The following NRXN3 variants were observed in gnomAD, a reference collection of about 807,000 sequenced individuals.
NRXN3 encodes the protein neurexin III.
A neutral mutation model predicts 137.6 loss-of-function variants in NRXN3; 32 were observed. The observed-to-expected ratio is 0.23, with a 90% CI of 0.18 to 0.31. The LOEUF (loss-of-function observed/expected upper bound fraction) is 0.31, where lower values mean the gene tolerates loss of function less well. Ranked by LOEUF, NRXN3 falls within the 10% of genes least tolerant of loss-of-function variation. NRXN3 has a pLI of 1.00. For missense variants in NRXN3, 1,574 were observed against 2,062.5 expected (o/e 0.76, Z 4.59); for synonymous variants, 798 against 784.5 (o/e 1.02, Z -0.29).
chr14:78,688,473 T>G (rs143806801), intron 6 of NRXN3, among the ~76,000 whole-genome samples: 230 of 152,262 alleles, frequency 1.5e-3, no homozygotes, highest in African/African-American at 5.4e-3. Flanking sequence ...TTTTACTGGT[T>G]TGGTATAAAG....
At chr14:79,565,360 C>T (rs371788583) in intron 16 of NRXN3, among the ~76,000 whole-genome samples, 18 of 115,368 alleles carry the variant, frequency 1.6e-4, no homozygotes, top group South Asian at 4.9e-4. Context: ...TATATGTATA[C>T]ACACACACAT....
At chr14:79,850,701 C>T (rs1269522949) in intron 20 of NRXN3, among the ~76,000 whole-genome samples, 1 of 152,016 alleles carries the variant, frequency 6.6e-6, no homozygotes, top group Non-Finnish European at 1.5e-5. Flanking sequence ...AAGGCACAGC[C>T]ATGAAATCAG....
intron 16 of NRXN3, among the ~76,000 whole-genome samples, chr14:79,627,508 T>G (rs147451290): frequency 2.0e-4 from 30 of 152,334 alleles, no homozygotes; most frequent in Admixed American, 1.9e-3. Flanking sequence ...TAGAGCAGGT[T>G]GGAAAATGAT....
At chr14:78,204,329 G>A (rs2061984344) in intron 1 of NRXN3, among the ~76,000 whole-genome samples, 1 of 151,974 alleles carries the variant, frequency 6.6e-6, no homozygotes. Flanking sequence ...CTTCAGTGGT[G>A]TGAGGAAAAA....
Position 78,752,886 on chromosome 14 carries a change from G to A in NRXN3, c.2044+37747G>A, listed in dbSNP as rs145087960. 9.2e-4 allele frequency among the ~76,000 whole-genome samples: 140 copies of A among 152,308 alleles called. 4 individuals are homozygous for A. In the East Asian group the frequency reaches 0.025, roughly 27 times the overall value. On this transcript the variant is annotated intron_variant, in intron 8 of 20. Coordinates refer to ENST00000335750, the MANE Select transcript of NRXN3 (RefSeq NM_001330195.2). ...TCAGGAAGCTGATGAATTTTTAACA[G>A]AGAATTCTGAGCAGGAGATGTCAAT... is the stretch of plus-strand genomic sequence containing the variant.
chr14:78,832,630 A>G (rs1005916169), intron 10 of NRXN3, among the ~76,000 whole-genome samples: 2 of 152,024 alleles, frequency 1.3e-5, no homozygotes, highest in Non-Finnish European at 2.9e-5. Context: ...TTAATGCATA[A>G]AAGTGCCTAG....
At chr14:79,054,800 C>G (rs901126182) in intron 15 of NRXN3, among the ~76,000 whole-genome samples, 1 of 152,188 alleles carries the variant, frequency 6.6e-6, no homozygotes, top group Non-Finnish European at 1.5e-5. Flanking sequence ...CTGACAGGAA[C>G]AGTTTGGACT....
intron 4 of NRXN3, among the ~76,000 whole-genome samples, chr14:78,445,642 G>A (rs776312281): frequency 6.6e-6 from 1 of 152,120 alleles, no homozygotes; most frequent in Non-Finnish European, 1.5e-5. Flanking sequence ...TAGTGTCTTT[G>A]GGCAGCAAGT....
intron 16 of NRXN3, among the ~76,000 whole-genome samples, chr14:79,659,287 T>G (rs1213187890): frequency 6.6e-6 from 1 of 152,100 alleles, no homozygotes; most frequent in Non-Finnish European, 1.5e-5. Context: ...AGAATATAGA[T>G]TGAAGCAATT....
At chr14:78,434,701 T>A (rs2094002898) in intron 4 of NRXN3, among the ~76,000 whole-genome samples, 1 of 152,122 alleles carries the variant, frequency 6.6e-6, no homozygotes, top group Non-Finnish European at 1.5e-5. Flanking sequence ...CTCAGAGGGA[T>A]GTGAGGACAG....
chr14:78,936,904 T>C (rs754805998), intron 10 of NRXN3, among the ~76,000 whole-genome samples: 14 of 152,202 alleles, frequency 9.2e-5, no homozygotes, highest in Admixed American at 3.9e-4. Flanking sequence ...GACTTACTAA[T>C]CTTCAAGGCA....
chr14:79,065,575 C>T (rs1379901325), intron 15 of NRXN3, among the ~76,000 whole-genome samples: 1 of 152,096 alleles, frequency 6.6e-6, no homozygotes, highest in Admixed American at 6.6e-5. Flanking sequence ...GTGGCTTAAA[C>T]AGAAAATGTG....
chr14:79,284,955 T>A (rs1267142779), intron 15 of NRXN3, among the ~76,000 whole-genome samples: 2 of 152,194 alleles, frequency 1.3e-5, no homozygotes, highest in Non-Finnish European at 2.9e-5. Flanking sequence ...ATTAATTAGA[T>A]TGGTTTCTCC....
chr14:78,704,674 CAG>C (rs1226157767), intron 6 of NRXN3, among the ~76,000 whole-genome samples: 1 of 152,098 alleles, frequency 6.6e-6, no homozygotes, highest in African/African-American at 2.4e-5. Flanking sequence ...CCAGTGCAGT[CAG>C]AGAGATAAGG....
At chr14:79,019,186 C>T (rs2099584636) in intron 15 of NRXN3, among the ~76,000 whole-genome samples, 2 of 152,070 alleles carry the variant, frequency 1.3e-5, no homozygotes, top group African/African-American at 2.4e-5. Flanking sequence ...TGAGTTTCCT[C>T]GTGATGTTGA....
At chr14:79,754,535 T>TAC (rs1332561181) in intron 19 of NRXN3, among the ~76,000 whole-genome samples, 2 of 95,250 alleles carry the variant, frequency 2.1e-5, no homozygotes, top group Non-Finnish European at 3.8e-5. Flanking sequence ...TATATATATA[T>TAC]ATATATATAT....
At chr14:78,403,369 A>G (rs1248341688) in intron 4 of NRXN3, among the ~76,000 whole-genome samples, 1 of 152,210 alleles carries the variant, frequency 6.6e-6, no homozygotes, top group African/African-American at 2.4e-5. Flanking sequence ...TGTGGCTAAT[A>G]GTAGAGTAGA....
At chr14:79,044,672 T>A (rs562682111) in intron 15 of NRXN3, among the ~76,000 whole-genome samples, 1 of 149,090 alleles carries the variant, frequency 6.7e-6, no homozygotes, top group South Asian at 2.2e-4. Context: ...CCATGGTTTT[T>A]ATCTCAGAAA....
intron 10 of NRXN3, among the ~76,000 whole-genome samples, chr14:78,885,503 A>T (rs1459013780): frequency 3.3e-5 from 5 of 152,144 alleles, no homozygotes; most frequent in African/African-American, 1.2e-4. Context: ...TCCCATTAAA[A>T]TAATTATTTT....
Sources: gnomAD v4.1 joint callset for allele counts (sites outside exome capture counted in the v4.1 genomes callset) on GRCh38, gnomAD v4.1.1 for gene constraint, MANE v1.5 for transcripts, NCBI Gene and HGNC (gene_info 2026-07-23, HGNC 2026-07-21) for gene names.